Variants in RAB11B observed in about 807,000 individuals in gnomAD.
RAB11B encodes RAB11B, member RAS oncogene family, also known as ras-related protein Rab-11B.
Under a neutral mutation model 23.7 loss-of-function variants are expected in RAB11B, and 7 were observed. The ratio of observed to expected loss-of-function variants is 0.29; its 90% confidence interval spans 0.17 to 0.55. The LOEUF (loss-of-function observed/expected upper bound fraction) is 0.55. Among genes scored for constraint, RAB11B ranks in the 20% least tolerant of loss-of-function variants. The probability of loss-of-function intolerance (pLI) is 0.93; values close to 1 mark genes in which losing one functional copy is unlikely to be tolerated. For missense variants in RAB11B, 189 were observed against 320.0 expected (o/e 0.59, Z 3.12); for synonymous variants, 138 against 132.0 (o/e 1.05, Z -0.31).
At chr19:8,393,668 C>G (rs1295658929) in intron 1 of RAB11B, among the ~76,000 whole-genome samples, 2 of 152,246 alleles carry the variant, frequency 1.3e-5, no homozygotes, top group African/African-American at 4.8e-5. Flanking sequence ...AGAGCTGAGA[C>G]AAGAGTGGCC....
In RAB11B at chr19:8,397,330, C is replaced by G. The variant is rs77743051; in HGVS notation, c.41-2533C>G. Among the ~76,000 whole-genome samples the G allele has an allele frequency of 5.2e-3, 792 of 152,176 alleles. 13 individuals carry two copies. The highest frequency in any genetic ancestry group is 0.018 in the African/African-American group (749 of 41,514). Reference sequence around the variant, plus strand: ...CAGCCATGAGCCTGGATGGGGTCACCTGGGGACTGGGTGTGGACAGAGATG... The same window carrying G: ...CAGCCATGAGCCTGGATGGGGTCACGTGGGGACTGGGTGTGGACAGAGATG... On this transcript the variant is annotated intron_variant, in intron 1 of 4. Transcript: ENST00000328024.
rs111469245 is a variant in RAB11B, at chr19:8,393,415, T to A, written c.40+2959T>A. ...GCCGCAGCTGCCCCAGGCCCTGTCC[T>A]CTGGGTCTTGTCCACCCCTCCCCTG... is the stretch of plus-strand genomic sequence containing the variant. On this transcript the variant is annotated intron_variant, in intron 1 of 4. Coordinates refer to ENST00000328024, the MANE Select transcript of RAB11B (RefSeq NM_004218.4). 2.9e-3 allele frequency among the ~76,000 whole-genome samples: 434 copies of A among 152,266 alleles called. 1 individual carries two copies. Among genetic ancestry groups the A allele is most frequent in the Non-Finnish European group, 5.3e-3 (361 of 68,014 alleles).
chr19:8,390,638 C>T, intron 1 of RAB11B, 182 bp downstream of exon 1: 1 of 590,676 alleles, frequency 1.7e-6, no homozygotes, highest in Non-Finnish European at 2.5e-6. Flanking sequence ...GGATGCGCGG[C>T]TATACGGAGC....
chr19:8,397,869 G>T (rs1971408585), intron 1 of RAB11B, among the ~76,000 whole-genome samples: 1 of 152,092 alleles, frequency 6.6e-6, no homozygotes, highest in African/African-American at 2.4e-5. Context: ...AGACAAGGAA[G>T]CCTCATCCTC....
In RAB11B at chr19:8,402,343, TG is replaced by T. The variant is rs1314005303; in HGVS notation, c.430+68del. 6.6e-6 allele frequency: 10 copies of T among 1,526,264 alleles called. No homozygotes were observed. In the African/African-American group the frequency reaches 1.1e-4, roughly 17 times the overall value. 94.5% of individuals were successfully genotyped at this position (1,526,264 alleles called of 1,614,324 possible). A position where few individuals can be genotyped will look rare whatever the true frequency, so the allele number is the denominator to read the frequency against. ...GAAGGCAGGAGGCCCCTCACAGTGT[TG>T]GGGCCCTGGCCACAGCCCTGGCTTC... On this transcript the variant is annotated intron_variant, in intron 3 of 4. Transcript: ENST00000328024.
intron 1 of RAB11B, among the ~76,000 whole-genome samples, chr19:8,398,078 C>T (rs1481314195): frequency 6.6e-6 from 1 of 152,132 alleles, no homozygotes; most frequent in African/African-American, 2.4e-5. Context: ...ACAGCTCACC[C>T]AGACCCCACC....
chr19:8,399,807 T>C, intron 1 of RAB11B, 56 bp from the exon 2 acceptor site: 2 of 1,576,292 alleles, frequency 1.3e-6, no homozygotes, highest in Non-Finnish European at 8.7e-7. Flanking sequence ...GGGAAGGTTG[T>C]GGGGGCAGTC....
chr19:8,391,145 C>T (rs374501460), intron 1 of RAB11B, among the ~76,000 whole-genome samples: 6 of 152,322 alleles, frequency 3.9e-5, no homozygotes, highest in South Asian at 4.1e-4. Context: ...TTTCTGAGCA[C>T]TTTACCCGAA....
chr19:8,400,175 AC>A, intron 2 of RAB11B, 117 bp downstream of exon 2: 1 of 1,233,550 alleles, frequency 8.1e-7, no homozygotes, highest in South Asian at 1.4e-5. Context: ...TGCTCCCAAG[AC>A]CAGGGAGTGA....
In RAB11B at chr19:8,398,019, G is replaced by GCA. The variant is rs973380893; in HGVS notation, c.41-1832_41-1831dup. ...GGCGTCTGGTTGGCTGTATTCAAGT[G>GCA]CACACACACACACTGATCTTCCCCA... is the stretch of plus-strand genomic sequence containing the variant. On this transcript the variant is annotated intron_variant, in intron 1 of 4. Coordinates refer to ENST00000328024, the MANE Select transcript of RAB11B (RefSeq NM_004218.4). 3.9e-5 allele frequency among the ~76,000 whole-genome samples: 6 copies of GCA among 152,080 alleles called. No homozygotes were observed. The East Asian group carries it at 9.7e-4, about 25-fold the overall frequency.
intron 1 of RAB11B, among the ~76,000 whole-genome samples, chr19:8,397,839 A>G (rs756115180): frequency 6.6e-6 from 1 of 152,010 alleles, no homozygotes; most frequent in Non-Finnish European, 1.5e-5. Flanking sequence ...CAGGAGGAAC[A>G]GCCATACCCA....
intron 4 of RAB11B, chr19:8,402,770 C>T: frequency 1.7e-6 from 1 of 589,384 alleles, no homozygotes; most frequent in South Asian, 2.1e-5. Context: ...TCAGGCAATT[C>T]TCCTGCCTCA....
intron 1 of RAB11B, among the ~76,000 whole-genome samples, chr19:8,398,021 A>G (rs1971409806): frequency 6.6e-6 from 1 of 152,050 alleles, no homozygotes; most frequent in African/African-American, 2.4e-5. Flanking sequence ...ATTCAAGTGC[A>G]CACACACACA....
At position 8,402,130 on chromosome 19, in the gene RAB11B, C is replaced by T; in HGVS notation, c.281C>T (p.Ala94Val). The part of the protein sequence containing the change: ...AVGALLVYDI[A>V]KHLTYENVER... ...GGCGCCCTGCTGGTGTACGACATCG[C>T]CAAGCACCTGACCTATGAGAACGTG... The change falls in exon 3 of 5, where the codon GCC becomes GTC. Residue 94 changes from alanine to valine, a missense_variant. Transcript: ENST00000328024. The T allele has an allele frequency of 6.2e-7, 1 of 1,608,684 alleles. No homozygotes were observed. Among genetic ancestry groups the T allele is most frequent in the Non-Finnish European group, 8.5e-7 (1 of 1,177,696 alleles).
chr19:8,390,496 C>T (rs1254322230), intron 1 of RAB11B, 40 bp downstream of exon 1: 4 of 1,473,346 alleles, frequency 2.7e-6, no homozygotes, highest in Non-Finnish European at 2.7e-6. Context: ...GTCGTGGCGG[C>T]GAGGCGGCGG....
Position 8,393,895 on chromosome 19 carries a change from T to C in RAB11B, c.40+3439T>C, listed in dbSNP as rs915075714. On this transcript the variant is annotated intron_variant, in intron 1 of 4. Coordinates refer to ENST00000328024, the MANE Select transcript of RAB11B (RefSeq NM_004218.4). ...AGGACTTCTCAGAGGTGCCAGTTCT[T>C]TGTTTTTGCCAACCGGGCTTGCCTG... is the stretch of plus-strand genomic sequence containing the variant. 2.7e-4 allele frequency among the ~76,000 whole-genome samples: 41 copies of C among 152,202 alleles called. 1 individual carries two copies. Among genetic ancestry groups the C allele is most frequent in the African/African-American group, 9.9e-4 (41 of 41,458 alleles).
rs530057531 is a variant in RAB11B, at chr19:8,402,649, G to A, written c.511+84G>A. The A allele has an allele frequency of 7.2e-5, 44 of 614,840 alleles. No individual in the cohort carries two copies. In the South Asian group the frequency reaches 8.1e-4, roughly 11 times the overall value. 38.1% of individuals were successfully genotyped at this position (614,840 alleles called of 1,614,324 possible). ...CTCTGAACCTTCGCTTGTTTTGTTC[G>A]TTTGCTTGTTTTTTTCTTTTTTTTG... is the stretch of plus-strand genomic sequence containing the variant. On this transcript the variant is annotated intron_variant, in intron 4 of 4. Transcript: ENST00000328024.
rs985989372 is a variant in RAB11B, at chr19:8,400,233, C to G, written c.236+175C>G. On this transcript the variant is annotated intron_variant, in intron 2 of 4. Coordinates refer to ENST00000328024, the MANE Select transcript of RAB11B (RefSeq NM_004218.4). ...ATGCGCCGTGGGACCCTCAGGCTGA[C>G]CAGCGCCCAGCCTTCGCCACACCAG... is the stretch of plus-strand genomic sequence containing the variant. The G allele has an allele frequency of 3.8e-6, 3 of 783,996 alleles. No individual in the cohort carries two copies. The African/African-American group carries it at 5.2e-5, about 14-fold the overall frequency. 48.6% of individuals were successfully genotyped at this position (783,996 alleles called of 1,614,324 possible). A position where few individuals can be genotyped will look rare whatever the true frequency, so the allele number is the denominator to read the frequency against.
chr19:8,399,803 G>C, intron 1 of RAB11B, 60 bp from the exon 2 acceptor site: 2 of 1,572,300 alleles, frequency 1.3e-6, no homozygotes, highest in Non-Finnish European at 1.7e-6. Flanking sequence ...CGGCGGGAAG[G>C]TTGTGGGGGC....
Sources: gnomAD v4.1 joint callset for allele counts (sites outside exome capture counted in the v4.1 genomes callset) on GRCh38, gnomAD v4.1.1 for gene constraint, MANE v1.5 for transcripts, NCBI Gene and HGNC (gene_info 2026-07-23, HGNC 2026-07-21) for gene names.